The following C9orf152 variants were observed in gnomAD, a reference collection of about 807,000 sequenced individuals.
The protein encoded by C9orf152 is chromosome 9 open reading frame 152.
A neutral mutation model predicts 8.5 loss-of-function variants in C9orf152; 8 were observed. The observed-to-expected ratio is 0.94, with a 90% CI of 0.55 to 1.70. The LOEUF (loss-of-function observed/expected upper bound fraction) is 1.70, where lower values mean the gene tolerates loss of function less well. Ranked by LOEUF, C9orf152 falls within the 40% of genes most tolerant of loss-of-function variation. C9orf152 has a pLI of 0.00. For synonymous variants in C9orf152, 109 were observed against 113.0 expected (o/e 0.96, Z 0.22); for missense variants, 293 against 286.2 (o/e 1.02, Z -0.17).
At position 110,200,124 on chromosome 9, in the gene C9orf152, TAGGCAGGA is replaced by T. The variant is rs1423570636; in HGVS notation, c.*816_*823del. ...TGCAGAGAGAGAGAGAGAGAAAAGA[TAGGCAGGA>T]AGGCAGGAAAGAAGGCAAGAAGGAA... On this transcript the variant is annotated 3_prime_UTR_variant, in exon 2 of 2. Coordinates refer to ENST00000400613, the MANE Select transcript of C9orf152 (RefSeq NM_001012993.3). The T allele has an allele frequency of 7.5e-6, 1 of 132,958 alleles. No homozygotes were observed. Among genetic ancestry groups the T allele is most frequent in the Non-Finnish European group, 1.5e-5 (1 of 65,436 alleles). 8.2% of individuals were successfully genotyped at this position (132,958 alleles called of 1,614,324 possible).
chr9:110,207,763 A>C lies in C9orf152; in HGVS notation c.-184T>G. The C allele has an allele frequency of 2.0e-6, 1 of 509,980 alleles. No individual in the cohort carries two copies. The highest frequency in any genetic ancestry group is 3.6e-5 in the East Asian group (1 of 27,874). 31.6% of individuals were successfully genotyped at this position (509,980 alleles called of 1,614,324 possible). A position where few individuals can be genotyped will look rare whatever the true frequency, so the allele number is the denominator to read the frequency against. Reference sequence around the variant, plus strand: ...AGAAAGATGAAGGGGAAGAGGAGGTAGGGATAGGGAGAAATGTGGGGGAGG... The same window carrying C: ...AGAAAGATGAAGGGGAAGAGGAGGTCGGGATAGGGAGAAATGTGGGGGAGG... On this transcript the variant is annotated 5_prime_UTR_variant, in exon 1 of 2. Transcript: ENST00000400613.
chr9:110,202,865 C>T (rs1396038471), intron 1 of C9orf152, among the ~76,000 whole-genome samples: 1 of 151,998 alleles, frequency 6.6e-6, no homozygotes, highest in East Asian at 1.9e-4. Flanking sequence ...TTCAGGGATC[C>T]CAAAGAAACA....
Position 110,207,881 on chromosome 9 carries a change from T to G in C9orf152, c.-302A>C. 23 of 313,472 alleles carry G rather than the reference T, an allele frequency of 7.3e-5. No individual in the cohort carries two copies. Among genetic ancestry groups the G allele is most frequent in the East Asian group, 1.5e-4 (2 of 13,588 alleles). 19.4% of individuals were successfully genotyped at this position (313,472 alleles called of 1,614,324 possible). A position where few individuals can be genotyped will look rare whatever the true frequency, so the allele number is the denominator to read the frequency against. The stretch of plus-strand genomic sequence containing the variant: ...GGGAAAGACTGGAGGAAGGAGGTGA[T>G]AGTGACAAGCGGGGATTAATGGGGC... On this transcript the variant is annotated 5_prime_UTR_variant, in exon 1 of 2. Transcript: ENST00000400613.
Position 110,201,002 on chromosome 9 carries a change from T to G in C9orf152, c.666A>C (p.Lys222Asn), listed in dbSNP as rs931903472. The part of the protein sequence containing the change: ...KPAYYPFPQR[K>N]TPRISQAARN... The stretch of plus-strand genomic sequence containing the variant: ...GGGCAGCTTGGGAGATCCTGGGTGT[T>G]TTCCTCTGGGGAAATGGATAGTAAG... Residue 222 changes from lysine (K) to asparagine (N), a missense_variant, in exon 2 of 2, where the codon AAA (lysine) becomes AAC (asparagine). Physicochemically the swap from Lys to Asn is moderately conservative, Grantham distance 94. Transcript: ENST00000400613. 1.9e-6 allele frequency: 3 copies of G among 1,614,168 alleles called. No individual in the cohort carries two copies. The highest frequency in any genetic ancestry group is 1.7e-6 in the Non-Finnish European group (2 of 1,180,008).
At chr9:110,207,293 G>A (rs1266460251) in intron 1 of C9orf152, 94 bp downstream of exon 1, 1 of 1,396,672 alleles carries the variant, frequency 7.2e-7, no homozygotes, top group Non-Finnish European at 9.9e-7. Flanking sequence ...CTGGGAGGGA[G>A]GGCTGGCAAA....
At position 110,207,777 on chromosome 9, in the gene C9orf152, A is replaced by C; in HGVS notation, c.-198T>G. On this transcript the variant is annotated 5_prime_UTR_variant, in exon 1 of 2. Transcript: ENST00000400613. ...GAAGAGGAGGTAGGGATAGGGAGAA[A>C]TGTGGGGGAGGAGAAAGGTGGGAGA... 53 of 452,022 alleles carry C rather than the reference A, an allele frequency of 1.2e-4. No homozygotes were observed. The highest frequency in any genetic ancestry group is 1.3e-4 in the Admixed American group (3 of 22,376). 28.0% of individuals were successfully genotyped at this position (452,022 alleles called of 1,614,324 possible).
chr9:110,206,962 A>G (rs773187227), intron 1 of C9orf152, among the ~76,000 whole-genome samples: 4 of 152,170 alleles, frequency 2.6e-5, no homozygotes, highest in Admixed American at 6.5e-5. Flanking sequence ...TGGGTCTCTG[A>G]GCCCTAGGCG....
chr9:110,204,841 C>T (rs994273460), intron 1 of C9orf152, among the ~76,000 whole-genome samples: 2 of 152,182 alleles, frequency 1.3e-5, no homozygotes, highest in Admixed American at 6.5e-5. Context: ...ACTCTACATA[C>T]CTCATGTAAA....
At chr9:110,203,207 TAG>T (rs1244262299) in intron 1 of C9orf152, among the ~76,000 whole-genome samples, 2 of 151,980 alleles carry the variant, frequency 1.3e-5, no homozygotes, top group African/African-American at 4.8e-5. Flanking sequence ...GTATTTTTAG[TAG>T]AGACGGGGTT....
chr9:110,201,715 T>C (rs1837224299), intron 1 of C9orf152, among the ~76,000 whole-genome samples: 1 of 152,198 alleles, frequency 6.6e-6, no homozygotes, highest in East Asian at 1.9e-4. Context: ...CACATATTTA[T>C]TGAGCACTTA....
Position 110,207,623 on chromosome 9 carries a change from C to G in C9orf152, c.-44G>C. 4 of 1,440,374 alleles carry G rather than the reference C, an allele frequency of 2.8e-6. No homozygotes were observed. The South Asian group carries it at 5.5e-5, about 20-fold the overall frequency. 89.2% of individuals were successfully genotyped at this position (1,440,374 alleles called of 1,614,324 possible). A position where few individuals can be genotyped will look rare whatever the true frequency, so the allele number is the denominator to read the frequency against. On this transcript the variant is annotated 5_prime_UTR_variant, in exon 1 of 2. Coordinates refer to ENST00000400613, the MANE Select transcript of C9orf152 (RefSeq NM_001012993.3). ...CAAACACAGCTGGGTGGGGCAGGAC[C>G]TGGGGAGGGGAGAGAGAGGGAGGGG...
Position 110,199,731 on chromosome 9 carries a change from A to T in C9orf152, c.*1217T>A, listed in dbSNP as rs975206504. The T allele has an allele frequency of 6.6e-6, 1 of 152,160 alleles. No homozygotes were observed. Among genetic ancestry groups the T allele is most frequent in the African/African-American group, 2.4e-5 (1 of 41,434 alleles). 9.4% of individuals were successfully genotyped at this position (152,160 alleles called of 1,614,324 possible). Reference sequence around the variant, plus strand: ...TGACACTACTAGTTAACAGCTCTGGATGTAGATGGGCAAGACTGGACGGCC... The same window carrying T: ...TGACACTACTAGTTAACAGCTCTGGTTGTAGATGGGCAAGACTGGACGGCC... On this transcript the variant is annotated 3_prime_UTR_variant, in exon 2 of 2. Coordinates refer to ENST00000400613, the MANE Select transcript of C9orf152 (RefSeq NM_001012993.3).
intron 1 of C9orf152, among the ~76,000 whole-genome samples, chr9:110,204,893 C>T (rs1056411731): frequency 3.3e-5 from 5 of 152,236 alleles, no homozygotes; most frequent in Non-Finnish European, 7.3e-5. Flanking sequence ...TGACTGACTT[C>T]ACTCAGCATA....
At position 110,200,719 on chromosome 9, in the gene C9orf152, A is replaced by G; in HGVS notation, c.*229T>C. 3.8e-6 allele frequency: 2 copies of G among 529,008 alleles called. No individual in the cohort carries two copies. The highest frequency in any genetic ancestry group is 3.3e-6 in the Non-Finnish European group (1 of 300,842). The allele number at this position is 529,008 out of a possible 1,614,324, so 32.8% of individuals were successfully genotyped here. On this transcript the variant is annotated 3_prime_UTR_variant, in exon 2 of 2. Coordinates refer to ENST00000400613, the MANE Select transcript of C9orf152 (RefSeq NM_001012993.3). ...ATGTCAGAATGGGGCTGCACTGACC[A>G]GACAGTCCTCTTCATCCTAAACTGT...
rs1460288414 is a variant in C9orf152 at position 110,200,307 on chromosome 9, AG to A, written c.*640del. The A allele has an allele frequency of 6.6e-6, 1 of 152,340 alleles. No individual in the cohort carries two copies. Among genetic ancestry groups the A allele is most frequent in the Non-Finnish European group, 1.5e-5 (1 of 68,110 alleles). The allele number at this position is 152,340 out of a possible 1,614,324, so 9.4% of individuals were successfully genotyped here. A position where few individuals can be genotyped will look rare whatever the true frequency, so the allele number is the denominator to read the frequency against. On this transcript the variant is annotated 3_prime_UTR_variant, in exon 2 of 2. Coordinates refer to ENST00000400613, the MANE Select transcript of C9orf152 (RefSeq NM_001012993.3). ...TCTCAGTGAGCAGTGACAGATGATT[AG>A]CCCTTTCTAAAGACCCCTTAAAGAC...
Position 110,201,432 on chromosome 9 carries a change from A to C in C9orf152, c.236T>G (p.Val79Gly). The C allele has an allele frequency of 6.5e-7, 1 of 1,532,608 alleles. No individual in the cohort carries two copies. The highest frequency in any genetic ancestry group is 8.7e-7 in the Non-Finnish European group (1 of 1,147,594). 94.9% of individuals were successfully genotyped at this position (1,532,608 alleles called of 1,614,324 possible). ...GCTTCTTCTCTCCTTGTTAATCCAA[A>C]CAGCATTGACCATCGATTCTGCAGG... is the stretch of plus-strand genomic sequence containing the variant. Reference protein sequence around the residue: ...PAPAESMVNAVWINKERRSSL... With the variant: ...PAPAESMVNAGWINKERRSSL... The change falls in exon 2 of 2, where the codon GTT becomes GGT. Residue 79 changes from valine (V) to glycine (G), a missense_variant. Transcript: ENST00000400613.
chr9:110,200,282 T>G lies in C9orf152; in HGVS notation c.*666A>C, dbSNP rs996443670. The G allele has an allele frequency of 6.6e-6, 1 of 152,422 alleles. No homozygotes were observed. Among genetic ancestry groups the G allele is most frequent in the Non-Finnish European group, 1.5e-5 (1 of 68,132 alleles). 9.4% of individuals were successfully genotyped at this position (152,422 alleles called of 1,614,324 possible). A position where few individuals can be genotyped will look rare whatever the true frequency, so the allele number is the denominator to read the frequency against. On this transcript the variant is annotated 3_prime_UTR_variant, in exon 2 of 2. Transcript: ENST00000400613. ...CTGTGATGATGCTGGAATGTACATGTCTCAGTGAGCAGTGACAGATGATTA... is the reference window on the plus strand; with the variant it reads ...CTGTGATGATGCTGGAATGTACATGGCTCAGTGAGCAGTGACAGATGATTA...
intron 1 of C9orf152, among the ~76,000 whole-genome samples, chr9:110,204,495 C>G (rs1837254301): frequency 2.0e-5 from 3 of 152,196 alleles, no homozygotes; most frequent in Non-Finnish European, 4.4e-5. Context: ...ACTCTCTCTT[C>G]CTGGGTCTTT....
Position 110,201,255 on chromosome 9 carries a change from A to G in C9orf152, c.413T>C (p.Val138Ala). The G allele has an allele frequency of 6.2e-7, 1 of 1,614,016 alleles. No individual in the cohort carries two copies. The highest frequency in any genetic ancestry group is 8.5e-7 in the Non-Finnish European group (1 of 1,180,014). ...QTSPQDTSHQVHHRGKLVGSD... is the reference protein window; with the variant it reads ...QTSPQDTSHQAHHRGKLVGSD... ...TCCCACAAGCTTGCCCCTATGATGT[A>G]CTTGATGACTGGTGTCCTGGGGGGA... Residue 138 changes from valine to alanine, a missense_variant, in exon 2 of 2, where the codon GTA becomes GCA. Physicochemically the swap from Val to Ala is moderately conservative, Grantham distance 64. Coordinates refer to ENST00000400613, the MANE Select transcript of C9orf152 (RefSeq NM_001012993.3).
Sources: allele counts gnomAD v4.1 joint callset (sites outside exome capture counted in the v4.1 genomes callset), GRCh38; gene constraint gnomAD v4.1.1; transcripts MANE v1.5; gene names NCBI Gene and HGNC (gene_info 2026-07-23, HGNC 2026-07-21).